Variants in SEMA6D observed in about 807,000 individuals in gnomAD.
SEMA6D encodes the protein semaphorin-6D.
Under a neutral mutation model 106.6 loss-of-function variants are expected in SEMA6D, and 35 were observed. The observed-to-expected ratio is 0.33, with a 90% CI of 0.25 to 0.44. The LOEUF (loss-of-function observed/expected upper bound fraction) is 0.44, where lower values mean the gene tolerates loss of function less well. Ranked by LOEUF, SEMA6D falls within the 20% of genes least tolerant of loss-of-function variation. The probability of loss-of-function intolerance (pLI) is 1.00; values close to 1 mark genes in which losing one functional copy is unlikely to be tolerated. For synonymous variants in SEMA6D, 499 were observed against 487.7 expected, an observed-to-expected ratio of 1.02 and a Z score of -0.31; for missense variants, 1,185 against 1,345.9, an observed-to-expected ratio of 0.88 and a Z score of 1.87.
chr15:47,690,473 T>C (rs1181097873), intron 4 of SEMA6D, among the ~76,000 whole-genome samples: 1 of 152,206 alleles, frequency 6.6e-6, no homozygotes, highest in Admixed American at 6.5e-5. Flanking sequence ...TTCCCAATAA[T>C]GCATTTACAA....
chr15:47,606,451 ATGTCTTTCTTAT>A (rs1197508479), intron 4 of SEMA6D: 25 of 152,148 alleles, frequency 1.6e-4, no homozygotes, highest in Admixed American at 1.1e-3. Context: ...CAAAGATAGA[ATGTCTTTCTTAT>A]TATACCACAA....
At chr15:47,567,404 A>G (rs1455320719) in intron 3 of SEMA6D, among the ~76,000 whole-genome samples, 1 of 152,220 alleles carries the variant, frequency 6.6e-6, no homozygotes, top group Non-Finnish European at 1.5e-5. Flanking sequence ...ATAATGTTAA[A>G]GGACATAGTA....
At chr15:47,538,965 G>A (rs900901008) in intron 3 of SEMA6D, among the ~76,000 whole-genome samples, 5 of 152,158 alleles carry the variant, frequency 3.3e-5, no homozygotes, top group Non-Finnish European at 5.9e-5. Flanking sequence ...TAGAGCTCAT[G>A]GGATAAGATT....
chr15:47,355,800 C>T (rs1595809863), intron 1 of SEMA6D, among the ~76,000 whole-genome samples: 1 of 152,156 alleles, frequency 6.6e-6, no homozygotes, highest in African/African-American at 2.4e-5. Context: ...TGTGTCAGAC[C>T]TTTGTACTAG....
chr15:47,617,152 C>T (rs2077022275), intron 4 of SEMA6D, among the ~76,000 whole-genome samples: 1 of 152,176 alleles, frequency 6.6e-6, no homozygotes, highest in Non-Finnish European at 1.5e-5. Context: ...CAAGATTTCC[C>T]TCAGAAGCTG....
At chr15:47,717,415 G>C (rs2079151216), upstream of SEMA6D, 1 of 152,080 alleles carries the variant, frequency 6.6e-6, no homozygotes, top group Admixed American at 6.5e-5. Flanking sequence ...TGCGTGGAGG[G>C]AGCCAGGCTC....
Position 47,225,889 on chromosome 15 carries a change from G to A in SEMA6D, c.-239+41471G>A, listed in dbSNP as rs956974546. On this transcript the variant is annotated intron_variant, in intron 1 of 19. Coordinates refer to the SEMA6D transcript ENST00000558014. ...GGTATAACAGTACTTTATTGGGTACGTACTTTTCAGAATATACACACAGAC... is the reference window on the plus strand; with the variant it reads ...GGTATAACAGTACTTTATTGGGTACATACTTTTCAGAATATACACACAGAC... 6.6e-5 allele frequency among the ~76,000 whole-genome samples: 10 copies of A among 151,958 alleles called. 1 individual carries two copies. Among genetic ancestry groups the A allele is most frequent in the South Asian group, 4.1e-4 (2 of 4,828 alleles).
chr15:47,612,204 G>A (rs1422842243), intron 4 of SEMA6D, among the ~76,000 whole-genome samples: 3 of 152,094 alleles, frequency 2.0e-5, no homozygotes, highest in Non-Finnish European at 4.4e-5. Flanking sequence ...CCATACCATT[G>A]TCCCTTTGCA....
chr15:47,766,524 A>G (rs2082350590), intron 15 of SEMA6D, 92 bp from the exon 16 acceptor site: 2 of 1,091,438 alleles, frequency 1.8e-6, no homozygotes, highest in Non-Finnish European at 2.8e-6. Context: ...CATTCTTACT[A>G]ATCAGTCTGT....
chr15:47,539,645 G>A (rs555429481), intron 3 of SEMA6D, among the ~76,000 whole-genome samples: 24 of 152,124 alleles, frequency 1.6e-4, no homozygotes, highest in African/African-American at 5.1e-4. Context: ...GGATGGTCTC[G>A]ATCTCTTGAC....
At chr15:47,670,327 C>T (rs752908257) in intron 4 of SEMA6D, among the ~76,000 whole-genome samples, 4 of 152,118 alleles carry the variant, frequency 2.6e-5, no homozygotes, top group Non-Finnish European at 5.9e-5. Context: ...CTAACTTCAC[C>T]GCAGAGAACA....
At chr15:47,240,741 G>A (rs1170549026) in intron 1 of SEMA6D, among the ~76,000 whole-genome samples, 2 of 152,106 alleles carry the variant, frequency 1.3e-5, no homozygotes, top group Non-Finnish European at 2.9e-5. Flanking sequence ...TTTGAATCAT[G>A]TACATAATGA....
chr15:47,422,787 T>C (rs570236190), intron 2 of SEMA6D, among the ~76,000 whole-genome samples: 207 of 152,266 alleles, frequency 1.4e-3, no homozygotes, highest in African/African-American at 3.5e-3. Flanking sequence ...TTTTGGCATA[T>C]GTTTCACGGA....
At chr15:47,545,964 G>A (rs1197286840) in intron 3 of SEMA6D, among the ~76,000 whole-genome samples, 1 of 152,054 alleles carries the variant, frequency 6.6e-6, no homozygotes, top group African/African-American at 2.4e-5. Context: ...AAAACTCAAG[G>A]TGGAAAAGCA....
At chr15:47,502,259 G>C (rs2043874196) in intron 3 of SEMA6D, among the ~76,000 whole-genome samples, 1 of 152,176 alleles carries the variant, frequency 6.6e-6, no homozygotes, top group Non-Finnish European at 1.5e-5. Flanking sequence ...ACTGCATGGT[G>C]ATGGGACCCA....
chr15:47,545,337 C>G (rs997787301), intron 3 of SEMA6D, among the ~76,000 whole-genome samples: 1 of 152,100 alleles, frequency 6.6e-6, no homozygotes, highest in Non-Finnish European at 1.5e-5. Context: ...TCATCAATTT[C>G]CACTGTAACT....
chr15:47,752,033 C>A (rs1380569388), intron 1 of SEMA6D, among the ~76,000 whole-genome samples: 2 of 152,004 alleles, frequency 1.3e-5, no homozygotes, highest in Non-Finnish European at 2.9e-5. Flanking sequence ...GATAGAGGCC[C>A]AAGGTGAGAC....
intron 1 of SEMA6D, among the ~76,000 whole-genome samples, chr15:47,186,214 A>C (rs988310698): frequency 1.3e-5 from 2 of 152,128 alleles, no homozygotes; most frequent in African/African-American, 4.8e-5. Context: ...AAGTGTATCA[A>C]TCTGATGAAG....
At position 47,629,698 on chromosome 15, in the gene SEMA6D, T is replaced by C. The variant is rs1456229204; in HGVS notation, c.-55+28802T>C. ...CTTCTTTTATCTAACTGTGTGTTTG[T>C]ACCCATAACCCACCCTTTCCAATCT... On this transcript the variant is annotated intron_variant, in intron 4 of 19. Transcript: ENST00000558014. Among the ~76,000 whole-genome samples, 5 of 151,946 alleles carry C rather than the reference T, an allele frequency of 3.3e-5. No homozygotes were observed. In the East Asian group the frequency reaches 9.7e-4, roughly 29 times the overall value.
Sources: allele counts gnomAD v4.1 joint callset (sites outside exome capture counted in the v4.1 genomes callset), GRCh38; gene constraint gnomAD v4.1.1; transcripts MANE v1.5; gene names NCBI Gene and HGNC (gene_info 2026-07-23, HGNC 2026-07-21).